The following NCOR2 variants were observed in gnomAD, a reference collection of about 807,000 sequenced individuals.
NCOR2 encodes CTG repeat protein 26.
NCOR2 carries 81 observed loss-of-function variants against 262.9 expected under a neutral mutation model. That is an observed-to-expected ratio of 0.31 (90% CI 0.26 to 0.37). NCOR2 has a LOEUF of 0.37. Ranked by LOEUF, NCOR2 falls within the 10% of genes least tolerant of loss-of-function variation. The pLI, the probability that NCOR2 is intolerant of heterozygous loss-of-function variation, is 1.00. For missense variants in NCOR2, 3,385 were observed against 3,621.4 expected (o/e 0.93, Z 1.68); for synonymous variants, 1,659 against 1,559.3 (o/e 1.06, Z -1.51).
intron 7 of NCOR2, among the ~76,000 whole-genome samples, chr12:124,447,674 ATTTTCTTTCTT>A (rs1246135181): frequency 2.0e-5 from 3 of 150,802 alleles, no homozygotes; most frequent in East Asian, 3.9e-4. Context: ...ATTCGCTGGT[ATTTTCTTTCTT>A]TTTTCTTTCT....
At chr12:124,519,089 T>TACACACACACATACACAC (rs58285194) in intron 1 of NCOR2, among the ~76,000 whole-genome samples, 13,013 of 97,102 alleles carry the variant, frequency 0.13, 1,266 homozygotes, top group Non-Finnish European at 0.17. Context: ...GGCCAAATAA[T>TACACACACACATACACAC]ACACACACAC....
upstream of NCOR2, among the ~76,000 whole-genome samples, chr12:124,497,052 G>A (rs2048417506): frequency 2.0e-5 from 3 of 152,362 alleles, no homozygotes; most frequent in African/African-American, 4.8e-5. The surrounding 1 kb of genome is among the most constrained non-coding windows in gnomAD (Gnocchi z 4.2). Flanking sequence ...GCAGGTCGAA[G>A]CCTGCTCACT....
At chr12:124,357,156 C>T (rs1390371751) in intron 22 of NCOR2, among the ~76,000 whole-genome samples, 1 of 152,190 alleles carries the variant, frequency 6.6e-6, no homozygotes, top group African/African-American at 2.4e-5. Flanking sequence ...TGTCTGCCCC[C>T]TAATTTTTTT....
At chr12:124,437,852 C>T (rs756779317) in intron 8 of NCOR2, 78 bp downstream of exon 10, 11 of 1,402,920 alleles carry the variant, frequency 7.8e-6, no homozygotes, top group African/African-American at 1.4e-5. Flanking sequence ...GACAGGGCCC[C>T]GGCAGGTGTG....
intron 8 of NCOR2, among the ~76,000 whole-genome samples, chr12:124,431,356 GAC>G (rs1464426530): frequency 2.7e-5 from 4 of 150,412 alleles, no homozygotes; most frequent in Admixed American, 6.6e-5. Flanking sequence ...ACACACAGTA[GAC>G]ACACAGTCAC....
At chr12:124,521,590 C>T (rs1024007691) in intron 1 of NCOR2, among the ~76,000 whole-genome samples, 5 of 152,078 alleles carry the variant, frequency 3.3e-5, no homozygotes, top group African/African-American at 1.2e-4. Flanking sequence ...TGGTAGCTGC[C>T]AGGGGCTGCG....
At chr12:124,387,370 C>T (rs577522412) in intron 16 of NCOR2, among the ~76,000 whole-genome samples, 8 of 152,336 alleles carry the variant, frequency 5.3e-5, no homozygotes, top group Non-Finnish European at 1.0e-4. Context: ...TTGCAAAGCC[C>T]TTCAAAGACT....
intron 5 of NCOR2, among the ~76,000 whole-genome samples, chr12:124,465,795 CATA>C (rs571234023): frequency 3.3e-4 from 50 of 152,320 alleles, no homozygotes; most frequent in Admixed American, 2.0e-3. Flanking sequence ...CTGCTGCGGT[CATA>C]ATGTCATTAT....
intron 1 of NCOR2, among the ~76,000 whole-genome samples, chr12:124,510,960 C>G (rs982739028): frequency 9.2e-5 from 14 of 152,238 alleles, no homozygotes; most frequent in South Asian, 4.1e-4. Context: ...CCTCTCCCCC[C>G]ACAGCCCCAA....
At chr12:124,445,568 T>TC (rs2045108677) in intron 7 of NCOR2, among the ~76,000 whole-genome samples, 1 of 152,086 alleles carries the variant, frequency 6.6e-6, no homozygotes, top group Non-Finnish European at 1.5e-5. Context: ...GGGAACGACC[T>TC]CCCACCTAGA....
intron 16 of NCOR2, among the ~76,000 whole-genome samples, chr12:124,387,503 C>T (rs1400782659): frequency 2.6e-5 from 4 of 152,248 alleles, no homozygotes; most frequent in African/African-American, 7.2e-5. Flanking sequence ...AGGGGGGCAA[C>T]GCGGGCGTGG....
chr12:124,406,661 C>T (rs2042295521), intron 13 of NCOR2, among the ~76,000 whole-genome samples: 1 of 152,158 alleles, frequency 6.6e-6, no homozygotes, highest in Non-Finnish European at 1.5e-5. Context: ...TGGGTTTGTG[C>T]CCTGTGCGTG....
chr12:124,380,511 C>A (rs971436576), intron 17 of NCOR2, among the ~76,000 whole-genome samples: 1 of 152,104 alleles, frequency 6.6e-6, no homozygotes, highest in East Asian at 1.9e-4. Flanking sequence ...CCAGCCCTGC[C>A]CCGAATCCTG....
chr12:124,415,036 G>A (rs529062460), intron 13 of NCOR2, among the ~76,000 whole-genome samples: 187 of 152,258 alleles, frequency 1.2e-3, no homozygotes, highest in African/African-American at 4.4e-3. Context: ...TGGAGCACAG[G>A]GCAGTGGCTC....
chr12:124,521,703 C>CCTTA (rs1163396234), intron 1 of NCOR2, among the ~76,000 whole-genome samples: 1 of 152,146 alleles, frequency 6.6e-6, no homozygotes, highest in Non-Finnish European at 1.5e-5. Context: ...TGTGATTGTA[C>CCTTA]TAAGAACTCA....
chr12:124,477,799 C>G (rs573991968), intron 3 of NCOR2, among the ~76,000 whole-genome samples: 1 of 152,010 alleles, frequency 6.6e-6, no homozygotes, highest in African/African-American at 2.4e-5. Flanking sequence ...AAACAACAAA[C>G]TAATACACCC....
rs1423323271 is a variant in NCOR2, at chr12:124,384,687, C to T, written c.2019+1058G>A. On this transcript the variant is annotated intron_variant, in intron 17 of 46. Coordinates refer to ENST00000405201, the Ensembl canonical transcript of NCOR2. Reference sequence around the variant, plus strand: ...ACTGCAGGCTGTGTGACCTCACAGCCTGCTCACCCTCTCTGGGCCTCAGCA... The same window carrying T: ...ACTGCAGGCTGTGTGACCTCACAGCTTGCTCACCCTCTCTGGGCCTCAGCA... Among the ~76,000 whole-genome samples the T allele has an allele frequency of 3.3e-5, 5 of 152,282 alleles. No individual in the cohort carries two copies. In the East Asian group the frequency reaches 7.7e-4, roughly 24 times the overall value.
At chr12:124,477,416 T>G (rs1319736000) in intron 3 of NCOR2, among the ~76,000 whole-genome samples, 1 of 152,174 alleles carries the variant, frequency 6.6e-6, no homozygotes, top group Non-Finnish European at 1.5e-5. Flanking sequence ...AACTAAACCT[T>G]TTTCTATTAT....
intron 8 of NCOR2, among the ~76,000 whole-genome samples, chr12:124,434,371 G>T (rs182373139): frequency 2.4e-4 from 37 of 152,170 alleles, no homozygotes; most frequent in African/African-American, 8.7e-4. Flanking sequence ...GCAGCTTCAG[G>T]GGGTGTTGAA....
Sources: gnomAD v4.1 joint callset for allele counts (sites outside exome capture counted in the v4.1 genomes callset) on GRCh38, gnomAD v4.1.1 for gene constraint, Gnocchi (gnomAD v3.1) non-coding constraint, MANE v1.5 for transcripts, NCBI Gene and HGNC (gene_info 2026-07-23, HGNC 2026-07-21) for gene names.